DENND2A: variants seen among roughly 807,000 people sequenced by gnomAD.
DENND2A encodes DENN domain containing 2A, also known as DENN domain-containing protein 2A.
DENND2A carries 53 observed loss-of-function variants against 105.3 expected under a neutral mutation model. The observed-to-expected ratio is 0.50, with a 90% CI of 0.40 to 0.63. The LOEUF is 0.63. DENND2A is among the 30% of genes least tolerant of loss of function. The pLI is 0.00. For missense variants in DENND2A, 1,138 were observed against 1,279.6 expected, an observed-to-expected ratio of 0.89 and a Z score of 1.69; for synonymous variants, 522 against 508.4, an observed-to-expected ratio of 1.03 and a Z score of -0.36.
intron 3 of DENND2A, among the ~76,000 whole-genome samples, chr7:140,588,905 G>T (rs1024564973): frequency 6.6e-6 from 1 of 151,736 alleles, no homozygotes; most frequent in Non-Finnish European, 1.5e-5. Flanking sequence ...ACCATGTCTG[G>T]CTAATTTTTG....
intron 1 of DENND2A, among the ~76,000 whole-genome samples, chr7:140,637,914 C>G (rs1371166050): frequency 6.6e-6 from 1 of 152,160 alleles, no homozygotes; most frequent in African/African-American, 2.4e-5. Flanking sequence ...ACTTAAGGTA[C>G]CATTGTCTCC....
intron 14 of DENND2A, among the ~76,000 whole-genome samples, chr7:140,529,441 C>T: frequency 6.6e-6 from 1 of 152,320 alleles, no homozygotes; most frequent in African/African-American, 2.4e-5. Context: ...CATCCCATTA[C>T]TGGGTATATA....
At chr7:140,616,552 C>T (rs1242634815) in intron 1 of DENND2A, among the ~76,000 whole-genome samples, 1 of 151,978 alleles carries the variant, frequency 6.6e-6, no homozygotes. Context: ...CTAGAAACCA[C>T]TAAATTATAT....
At chr7:140,578,097 T>C (rs1014332122) in intron 5 of DENND2A, among the ~76,000 whole-genome samples, 1 of 152,134 alleles carries the variant, frequency 6.6e-6, no homozygotes. Flanking sequence ...CTCCGACTCA[T>C]GATGGCACAG....
intron 1 of DENND2A, among the ~76,000 whole-genome samples, chr7:140,633,658 G>A (rs1227201759): frequency 6.6e-6 from 1 of 152,048 alleles, no homozygotes; most frequent in Non-Finnish European, 1.5e-5. Context: ...TGTGTCACTC[G>A]GTCCACCCAT....
At chr7:140,552,918 G>T (rs543569228) in intron 12 of DENND2A, among the ~76,000 whole-genome samples, 1 of 151,636 alleles carries the variant, frequency 6.6e-6, no homozygotes, top group Admixed American at 6.6e-5. Context: ...TATAATTCAG[G>T]TTTCCTCTGA....
At chr7:140,566,885 C>T (rs1368810484) in intron 9 of DENND2A, among the ~76,000 whole-genome samples, 2 of 151,866 alleles carry the variant, frequency 1.3e-5, no homozygotes, top group East Asian at 3.9e-4. Flanking sequence ...TTTTAAGTCC[C>T]TGAATCTCTC....
intron 3 of DENND2A, among the ~76,000 whole-genome samples, chr7:140,598,667 A>C (rs1030323280): frequency 2.0e-5 from 3 of 152,160 alleles, no homozygotes; most frequent in African/African-American, 7.2e-5. Flanking sequence ...AAATACAAAG[A>C]CCATATGAGA....
rs112699797 is a variant in DENND2A at position 140,523,487 on chromosome 7, C to T, written c.2548-63G>A. 4,633 of 1,378,002 alleles carry T rather than the reference C, an allele frequency of 3.4e-3. 89 individuals carry two copies. The African/African-American group carries it at 0.038, about 11-fold the overall frequency. 85.4% of individuals were successfully genotyped at this position (1,378,002 alleles called of 1,614,324 possible). On this transcript the variant is annotated intron_variant, in intron 16 of 19. Coordinates refer to ENST00000496613, the MANE Select transcript of DENND2A (RefSeq NM_015689.5). The surrounding 1 kb of genome is among the most constrained non-coding windows in gnomAD (Gnocchi z 4.5). ...GTGGCTGCGTCTTGGCCATAGGACA[C>T]ACTGGAGCCACTGCAGGGCAGGCCT...
chr7:140,559,498 G>T lies in DENND2A; in HGVS notation c.1889+210C>A, dbSNP rs939852786. Among the ~76,000 whole-genome samples, 1 of 152,158 alleles carries T rather than the reference G, an allele frequency of 6.6e-6. No homozygotes were observed. Among genetic ancestry groups the T allele is most frequent in the East Asian group, 1.9e-4 (1 of 5,190 alleles). ...GAGGCTTCTGAAACAAGTATCCCCA[G>T]ATTGAGTGGGAAGCCCGGGAGGTCT... On this transcript the variant is annotated intron_variant, in intron 10 of 19. Transcript: ENST00000496613. This position sits in a 1 kb window ranked among gnomAD's most constrained non-coding sequence, Gnocchi z 4.1.
At chr7:140,596,489 G>A (rs2130674039) in intron 3 of DENND2A, among the ~76,000 whole-genome samples, 1 of 152,324 alleles carries the variant, frequency 6.6e-6, no homozygotes, top group Middle Eastern at 3.4e-3. Context: ...GCCGAGGGTT[G>A]CTGCCCAGCC....
chr7:140,601,590 G>A lies in DENND2A; in HGVS notation c.808C>T (p.Arg270Trp), dbSNP rs755029421. 6 of 1,613,968 alleles carry A rather than the reference G, an allele frequency of 3.7e-6. No individual in the cohort carries two copies. In the South Asian group the frequency reaches 4.4e-5, roughly 12 times the overall value. Residue 270 changes from arginine (R) to tryptophan (W), a missense_variant, in exon 3 of 20, where the codon CGG becomes TGG. Arg to Trp is a moderately radical substitution (Grantham distance 101). Transcript: ENST00000496613. ...KPFINPLPKP[R>W]RTFKHAGEGD... is the part of the protein sequence containing the mutation. The stretch of plus-strand genomic sequence containing the variant: ...TCTCCGGCATGTTTGAACGTTCTCC[G>A]GGGTTTTGGCAGAGGGTTGATGAAG...
chr7:140,569,576 G>A (rs562813285), intron 7 of DENND2A, 69 bp downstream of exon 7: 28 of 1,113,426 alleles, frequency 2.5e-5, no homozygotes, highest in Non-Finnish European at 3.7e-5. Flanking sequence ...AGAAAAAACA[G>A]GAAGCCACTT....
In DENND2A at chr7:140,587,956, G is replaced by T. The variant is rs1016557433; in HGVS notation, c.996-176C>A. ...GACAAAGTCTTGCTCCGTTGCCCAG[G>T]CTGGAGGGCAGCGGCGCCATCTTGG... On this transcript the variant is annotated intron_variant, in intron 3 of 19. Transcript: ENST00000496613. 3.9e-5 allele frequency among the ~76,000 whole-genome samples: 6 copies of T among 152,216 alleles called. No homozygotes were observed. The East Asian group carries it at 1.2e-3, about 29-fold the overall frequency.
rs1203011601 is a variant in DENND2A at position 140,585,749 on chromosome 7, T to G, written c.1124-39A>C. 4 of 1,613,376 alleles carry G rather than the reference T, an allele frequency of 2.5e-6. No homozygotes were observed. In the African/African-American group the frequency reaches 4.0e-5, roughly 16 times the overall value. The stretch of plus-strand genomic sequence containing the variant: ...CAATGTGTCAGGAACCTGGGAACAC[T>G]GAGGACATTTCCCTTTTCAAAACAC... On this transcript the variant is annotated intron_variant, in intron 4 of 19. Transcript: ENST00000496613.
rs369812480 is a variant in DENND2A at position 140,550,205 on chromosome 7, CT to C, written c.2038-3267del. Among the ~76,000 whole-genome samples the C allele has an allele frequency of 8.6e-5, 13 of 151,958 alleles. No individual in the cohort carries two copies. In the East Asian group the frequency reaches 1.6e-3, roughly 18 times the overall value. ...TTAATGGGTACAGAGTTTCTTTTTT[CT>C]TTTGAGACAGAGTTTCGCTCTTGTT... On this transcript the variant is annotated intron_variant, in intron 12 of 19. Transcript: ENST00000496613.
Position 140,601,715 on chromosome 7 carries a change from G to C in DENND2A, c.683C>G (p.Thr228Ser). 1 of 1,614,092 alleles carries C rather than the reference G, an allele frequency of 6.2e-7. No homozygotes were observed. The highest frequency in any genetic ancestry group is 1.3e-5 in the African/African-American group (1 of 75,016). The change falls in exon 3 of 20, where the codon ACC (threonine) becomes AGC (serine). Residue 228 changes from threonine to serine, a missense_variant. Thr to Ser is a moderately conservative substitution (Grantham distance 58). This residue lies in a region of DENND2A where 511 missense variants were observed against 499.9 expected (regional missense o/e 1.02). Transcript: ENST00000496613. ...HPSDLEGREP[T>S]PELVEDRKGS... ...TTTCCTGTCCTCCACAAGCTCAGGG[G>C]TGGGCTCCCTGCCTTCCAGGTCCGA...
At chr7:140,558,300 G>T in intron 10 of DENND2A, 88 bp from the exon 11 acceptor site, 1 of 1,022,618 alleles carries the variant, frequency 9.8e-7, no homozygotes, top group Non-Finnish European at 1.5e-6. Context: ...GCAGTGAGCA[G>T]CCATGGGACA....
chr7:140,622,257 G>A (rs759775888), intron 1 of DENND2A, among the ~76,000 whole-genome samples: 2 of 152,072 alleles, frequency 1.3e-5, no homozygotes, highest in Non-Finnish European at 2.9e-5. Context: ...TTAGCCAGGC[G>A]TGGTGGCACA....
Sources: allele counts gnomAD v4.1 joint callset (sites outside exome capture counted in the v4.1 genomes callset), GRCh38; gene constraint gnomAD v4.1.1; regional missense constraint gnomAD v4.1.1; non-coding constraint Gnocchi (gnomAD v3.1); transcripts MANE v1.5; gene names NCBI Gene and HGNC (gene_info 2026-07-23, HGNC 2026-07-21).